FGGY: variants seen among roughly 807,000 people sequenced by gnomAD.
FGGY encodes the protein FGGY carbohydrate kinase domain-containing protein.
In FGGY, 72 loss-of-function variants were observed where a neutral mutation model predicts 71.3. That is an observed-to-expected ratio of 1.01 (90% CI 0.84 to 1.23). The LOEUF is 1.23. FGGY is among the 50% of genes most tolerant of loss of function. FGGY has a pLI of 0.00. For missense variants in FGGY, 668 were observed against 682.3 expected (o/e 0.98, Z 0.23); for synonymous variants, 251 against 250.3 (o/e 1.00, Z -0.02).
intron 7 of FGGY, among the ~76,000 whole-genome samples, chr1:59,534,113 A>G (rs577860050): frequency 6.6e-6 from 1 of 152,358 alleles, no homozygotes; most frequent in South Asian, 2.1e-4. Context: ...TAATTAGAAT[A>G]ACCAATACAG....
At chr1:59,633,387 AC>A (rs371361627) in intron 10 of FGGY, among the ~76,000 whole-genome samples, 10 of 152,110 alleles carry the variant, frequency 6.6e-5, no homozygotes, top group African/African-American at 2.2e-4. Flanking sequence ...TCTCTAGAAG[AC>A]CAAGGGTCTG....
At chr1:59,409,433 C>T (rs1024515357) in intron 5 of FGGY, among the ~76,000 whole-genome samples, 1 of 152,050 alleles carries the variant, frequency 6.6e-6, no homozygotes, top group Non-Finnish European at 1.5e-5. Flanking sequence ...TTATTCAAGC[C>T]GTTGAGAAAG....
chr1:59,424,494 C>T lies in FGGY; in HGVS notation c.555-32467C>T, dbSNP rs1023653039. 7.2e-5 allele frequency among the ~76,000 whole-genome samples: 11 copies of T among 152,202 alleles called. No individual in the cohort carries two copies. The East Asian group carries it at 2.1e-3, about 29-fold the overall frequency. Reference sequence around the variant, plus strand: ...CCCGAGAGGCAGAGGTTGCAGTGAGCCAAAATCGCGCCACTGCACTCCAGC... The same window carrying T: ...CCCGAGAGGCAGAGGTTGCAGTGAGTCAAAATCGCGCCACTGCACTCCAGC... On this transcript the variant is annotated intron_variant, in intron 5 of 15. Coordinates refer to ENST00000303721, the MANE Select transcript of FGGY (RefSeq NM_018291.5).
chr1:59,323,510 A>C (rs1214304905), intron 2 of FGGY, among the ~76,000 whole-genome samples: 1 of 152,230 alleles, frequency 6.6e-6, no homozygotes, highest in Non-Finnish European at 1.5e-5. Context: ...ATGGAACATC[A>C]TTGCTGGTGT....
chr1:59,392,880 C>CA (rs2060862414), intron 5 of FGGY, among the ~76,000 whole-genome samples: 1 of 152,076 alleles, frequency 6.6e-6, no homozygotes, highest in African/African-American at 2.4e-5. Flanking sequence ...TTGTTAAATA[C>CA]AAAAAATTGT....
At chr1:59,404,550 C>T (rs1346045159) in intron 5 of FGGY, among the ~76,000 whole-genome samples, 1 of 152,162 alleles carries the variant, frequency 6.6e-6, no homozygotes, top group East Asian at 1.9e-4. Flanking sequence ...GAGCGTAGAA[C>T]AGCCCAATCA....
At chr1:59,584,748 C>T (rs2096254405) in intron 8 of FGGY, among the ~76,000 whole-genome samples, 1 of 150,008 alleles carries the variant, frequency 6.7e-6, no homozygotes, top group Non-Finnish European at 1.5e-5. Flanking sequence ...TTGCAGATGA[C>T]ATGAATGTAT....
intron 2 of FGGY, among the ~76,000 whole-genome samples, chr1:59,334,181 C>CAGA (rs1557582032): frequency 6.6e-6 from 1 of 152,090 alleles, no homozygotes; most frequent in Admixed American, 6.6e-5. Context: ...CTCATTCTGT[C>CAGA]GCCCAGGCTG....
intron 7 of FGGY, among the ~76,000 whole-genome samples, chr1:59,527,407 G>A (rs941923722): frequency 2.0e-5 from 3 of 152,172 alleles, no homozygotes; most frequent in African/African-American, 2.4e-5. Flanking sequence ...CACGATCACT[G>A]TTTCTCATCT....
At chr1:59,449,967 C>T (rs2072306901) in intron 5 of FGGY, among the ~76,000 whole-genome samples, 1 of 152,200 alleles carries the variant, frequency 6.6e-6, no homozygotes, top group African/African-American at 2.4e-5. Context: ...GAGCTCTTCT[C>T]TAAAAAGTAG....
At chr1:59,607,217 G>C (rs560947853) in intron 8 of FGGY, among the ~76,000 whole-genome samples, 1 of 152,248 alleles carries the variant, frequency 6.6e-6, no homozygotes, top group South Asian at 2.1e-4. Flanking sequence ...ATATATGTGG[G>C]ACATCACCTG....
At chr1:59,754,325 G>A (rs967079216) in intron 14 of FGGY, among the ~76,000 whole-genome samples, 1 of 152,144 alleles carries the variant, frequency 6.6e-6, no homozygotes. Flanking sequence ...GTTAACACCT[G>A]TCTATTCTCA....
chr1:59,758,982 C>A (rs1175931957), intron 15 of FGGY, among the ~76,000 whole-genome samples: 1 of 152,082 alleles, frequency 6.6e-6, no homozygotes, highest in South Asian at 2.1e-4. Flanking sequence ...ACAGGGGGCT[C>A]AGGGTAGAAA....
intron 6 of FGGY, among the ~76,000 whole-genome samples, chr1:59,460,320 G>C (rs558630793): frequency 6.6e-6 from 1 of 152,144 alleles, no homozygotes; most frequent in Non-Finnish European, 1.5e-5. Context: ...GTCCGAGATC[G>C]AACTGCAAGG....
At chr1:59,748,842 T>C (rs1467021753) in intron 14 of FGGY, among the ~76,000 whole-genome samples, 2 of 152,154 alleles carry the variant, frequency 1.3e-5, no homozygotes, top group Non-Finnish European at 2.9e-5. Flanking sequence ...AGATGACTGA[T>C]GGCTGAGAAC....
chr1:59,609,673 A>G (rs2096655958), intron 9 of FGGY, among the ~76,000 whole-genome samples: 1 of 152,258 alleles, frequency 6.6e-6, no homozygotes, highest in Non-Finnish European at 1.5e-5. Context: ...TGTTCAGCCA[A>G]TTGGAAATGA....
At position 59,598,079 on chromosome 1, in the gene FGGY, G is replaced by A. The variant is rs557887107; in HGVS notation, c.904-9724G>A. On this transcript the variant is annotated intron_variant, in intron 8 of 15. Coordinates refer to ENST00000303721, the MANE Select transcript of FGGY (RefSeq NM_018291.5). ...GCCCCACCCACTCCTCCTCCCTTGC[G>A]TGATCCATAGAATAGACCAATATGT... 1.1e-4 allele frequency among the ~76,000 whole-genome samples: 16 copies of A among 152,192 alleles called. No individual in the cohort carries two copies. In the East Asian group the frequency reaches 2.3e-3, roughly 22 times the overall value.
At position 59,627,489 on chromosome 1, in the gene FGGY, T is replaced by TATATATATATACAC. The variant is rs1469493501; in HGVS notation, c.1073+1441_1073+1442insTATATATATACACA. Among the ~76,000 whole-genome samples the TATATATATATACAC allele has an allele frequency of 1.3e-3, 121 of 92,714 alleles. 1 individual carries two copies. The highest frequency in any genetic ancestry group is 6.6e-3 in the Middle Eastern group (1 of 152). 60.8% of individuals were successfully genotyped at this position (92,714 alleles called of 152,430 possible). ...ATATATATATATATATATATATATA[T>TATATATATATACAC]ACACACACACACACACACACAGCTG... On this transcript the variant is annotated intron_variant, in intron 10 of 15. Transcript: ENST00000303721.
In FGGY at chr1:59,321,678, T is replaced by G. The variant is rs835409; in HGVS notation, c.129T>G (p.Asn43Lys). The change falls in exon 2 of 16, where the codon AAT becomes AAG. Residue 43 changes from asparagine to lysine, a missense_variant. Around this residue, in one of 2 missense-constraint regions of FGGY, gnomAD observed 661 missense variants for 661.6 expected, o/e 1.00. Coordinates refer to ENST00000303721, the MANE Select transcript of FGGY (RefSeq NM_018291.5). ...CTTTTGCAGACCAGCCAATTAAGAATTGGGAGCCCCAGTTCAACCACCATG... is the reference window on the plus strand; with the variant it reads ...CTTTTGCAGACCAGCCAATTAAGAAGTGGGAGCCCCAGTTCAACCACCATG... The part of the protein sequence containing the change: ...LLAFADQPIK[N>K]WEPQFNHHEQ... 0.36 allele frequency: 584,506 copies of G among 1,611,960 alleles called. 108,796 individuals are homozygous for G. Among genetic ancestry groups the G allele is most frequent in the East Asian group, 0.52 (23,109 of 44,798 alleles).
Sources: allele counts gnomAD v4.1 joint callset (sites outside exome capture counted in the v4.1 genomes callset), GRCh38; gene constraint gnomAD v4.1.1; regional missense constraint gnomAD v4.1.1; transcripts MANE v1.5; gene names NCBI Gene and HGNC (gene_info 2026-07-23, HGNC 2026-07-21).